Variants in CCDC178 observed in about 807,000 individuals in gnomAD.
The protein encoded by CCDC178 is coiled-coil domain-containing protein 178.
A neutral mutation model predicts 117.4 loss-of-function variants in CCDC178; 126 were observed. The observed-to-expected ratio is 1.07, with a 90% CI of 0.93 to 1.24. CCDC178 has a LOEUF of 1.24. Ranked by LOEUF, CCDC178 falls within the 50% of genes most tolerant of loss-of-function variation. The pLI, the probability that CCDC178 is intolerant of heterozygous loss-of-function variation, is 0.00. For synonymous variants in CCDC178, 283 were observed against 313.4 expected, an observed-to-expected ratio of 0.90 and a Z score of 1.02; for missense variants, 1,030 against 986.9, an observed-to-expected ratio of 1.04 and a Z score of -0.59.
At position 33,179,025 on chromosome 18, in the gene CCDC178, A is replaced by T. The variant is rs1434541668; in HGVS notation, c.2238+32871T>A. Among the ~76,000 whole-genome samples the T allele has an allele frequency of 3.0e-5, 4 of 131,476 alleles. No homozygotes were observed. The Admixed American group carries it at 3.3e-4, about 11-fold the overall frequency. 86.3% of individuals were successfully genotyped at this position (131,476 alleles called of 152,430 possible). ...TTAGTCCTTCCAGAACTGTTTAATG[A>T]ATTTATTCCTTGATGGACTACTAAA... is the stretch of plus-strand genomic sequence containing the variant. On this transcript the variant is annotated intron_variant, in intron 20 of 22. Coordinates refer to ENST00000383096, the MANE Select transcript of CCDC178 (RefSeq NM_001105528.4).
chr18:33,140,010 C>T (rs573347713), intron 20 of CCDC178, among the ~76,000 whole-genome samples: 25 of 152,236 alleles, frequency 1.6e-4, no homozygotes, highest in African/African-American at 6.0e-4. Context: ...CTAAAAGGGG[C>T]CAAGGTACAG....
chr18:33,246,453 C>G (rs1419796873), intron 14 of CCDC178, among the ~76,000 whole-genome samples: 3 of 151,728 alleles, frequency 2.0e-5, no homozygotes, highest in Non-Finnish European at 4.4e-5. Flanking sequence ...TAACAGAACA[C>G]AGAGAAGATT....
chr18:33,027,361 A>AT (rs1283874931), intron 21 of CCDC178, among the ~76,000 whole-genome samples: 1 of 151,786 alleles, frequency 6.6e-6, no homozygotes, highest in Non-Finnish European at 1.5e-5. Flanking sequence ...GGTATAAGAG[A>AT]TAAAAACAAC....
chr18:33,350,008 C>G (rs189930046), intron 7 of CCDC178, among the ~76,000 whole-genome samples: 2 of 151,974 alleles, frequency 1.3e-5, no homozygotes, highest in Admixed American at 1.3e-4. Context: ...ATTCCAAGGT[C>G]AGAGAAATAT....
intron 12 of CCDC178, among the ~76,000 whole-genome samples, chr18:33,278,369 C>A (rs1263809968): frequency 6.7e-6 from 1 of 150,262 alleles, no homozygotes; most frequent in Non-Finnish European, 1.5e-5. Flanking sequence ...ATAATCACTT[C>A]TCTATTTTTG....
chr18:33,048,898 T>C (rs941944607), intron 21 of CCDC178, among the ~76,000 whole-genome samples: 1 of 152,134 alleles, frequency 6.6e-6, no homozygotes, highest in Non-Finnish European at 1.5e-5. Flanking sequence ...CTATAAGAAT[T>C]CCAAAACCTC....
chr18:32,988,385 G>A (rs1270629459), intron 21 of CCDC178, among the ~76,000 whole-genome samples: 5 of 152,038 alleles, frequency 3.3e-5, no homozygotes, highest in African/African-American at 4.8e-5. Context: ...GCAGCGAGCC[G>A]AGATCGTGCC....
chr18:33,231,013 T>C (rs999411923), intron 15 of CCDC178, among the ~76,000 whole-genome samples: 1 of 152,190 alleles, frequency 6.6e-6, no homozygotes, highest in Non-Finnish European at 1.5e-5. Context: ...AGATTCTAAA[T>C]CCACTGGGTG....
chr18:33,344,316 A>G, intron 9 of CCDC178, among the ~76,000 whole-genome samples: 1 of 150,496 alleles, frequency 6.6e-6, no homozygotes, highest in African/African-American at 2.4e-5. Flanking sequence ...GTCTCAAAAA[A>G]AAAAAAAAAA....
chr18:33,081,576 C>T (rs2057298471), intron 21 of CCDC178, among the ~76,000 whole-genome samples: 1 of 152,152 alleles, frequency 6.6e-6, no homozygotes, highest in South Asian at 2.1e-4. Context: ...AACATTTTTG[C>T]TCTTTTTCTA....
chr18:33,351,222 TCTCA>T (rs1278991307), intron 7 of CCDC178, among the ~76,000 whole-genome samples: 1 of 151,580 alleles, frequency 6.6e-6, no homozygotes, highest in African/African-American at 2.4e-5. Context: ...TGAGACAAAG[TCTCA>T]CTGTCGCCCA....
At chr18:33,163,154 C>T (rs143232404) in intron 20 of CCDC178, among the ~76,000 whole-genome samples, 12 of 152,094 alleles carry the variant, frequency 7.9e-5, no homozygotes, top group African/African-American at 2.2e-4. Flanking sequence ...ATCTCACTGT[C>T]GTTTTTGATT....
intron 21 of CCDC178, among the ~76,000 whole-genome samples, chr18:33,004,136 C>T (rs1419110390): frequency 6.6e-6 from 1 of 152,036 alleles, no homozygotes; most frequent in East Asian, 1.9e-4. Flanking sequence ...TCCCTATCAA[C>T]ATACGAATGA....
chr18:33,132,174 A>G (rs2058074869), intron 20 of CCDC178, among the ~76,000 whole-genome samples: 1 of 151,730 alleles, frequency 6.6e-6, no homozygotes, highest in Non-Finnish European at 1.5e-5. Flanking sequence ...GTATATTTTT[A>G]TTGAATTATT....
At chr18:33,201,800 C>G (rs548042500) in intron 20 of CCDC178, among the ~76,000 whole-genome samples, 1 of 152,178 alleles carries the variant, frequency 6.6e-6, no homozygotes, top group Non-Finnish European at 1.5e-5. Context: ...TTCCAGTCTC[C>G]CTCTAGTGCC....
At chr18:32,969,527 A>G (rs371949420) in intron 22 of CCDC178, among the ~76,000 whole-genome samples, 1 of 152,032 alleles carries the variant, frequency 6.6e-6, no homozygotes, top group African/African-American at 2.4e-5. Flanking sequence ...AACAAACTAT[A>G]TATACCAACC....
At chr18:33,340,769 G>C (rs1308751596) in intron 9 of CCDC178, among the ~76,000 whole-genome samples, 2 of 152,210 alleles carry the variant, frequency 1.3e-5, no homozygotes, top group African/African-American at 4.8e-5. Flanking sequence ...GTCAAGAAAT[G>C]AGGTTTGAGA....
At chr18:33,387,680 C>A (rs769791801) in intron 5 of CCDC178, among the ~76,000 whole-genome samples, 2 of 152,126 alleles carry the variant, frequency 1.3e-5, no homozygotes, top group African/African-American at 2.4e-5. Flanking sequence ...GAGACTGGAT[C>A]CCTTCTTTAC....
At chr18:33,137,700 G>A (rs376306945) in intron 20 of CCDC178, among the ~76,000 whole-genome samples, 29 of 152,144 alleles carry the variant, frequency 1.9e-4, no homozygotes, top group African/African-American at 7.0e-4. Flanking sequence ...AATCTCCATA[G>A]CAAATCAGGT....
Sources: gnomAD v4.1 joint callset for allele counts (sites outside exome capture counted in the v4.1 genomes callset) on GRCh38, gnomAD v4.1.1 for gene constraint, MANE v1.5 for transcripts, NCBI Gene and HGNC (gene_info 2026-07-23, HGNC 2026-07-21) for gene names.